SLCO1B1: variants seen among roughly 807,000 people sequenced by gnomAD.
SLCO1B1 encodes OATP-2.
Under a neutral mutation model 70.1 loss-of-function variants are expected in SLCO1B1, and 81 were observed. The observed-to-expected ratio is 1.16, with a 90% confidence interval of 0.97 to 1.39. SLCO1B1 has a LOEUF of 1.39. Ranked by LOEUF, SLCO1B1 falls within the 40% of genes most tolerant of loss-of-function variation. The pLI is 0.00. For synonymous variants in SLCO1B1, 283 were observed against 271.5 expected (o/e 1.04, Z -0.42); for missense variants, 895 against 799.6 (o/e 1.12, Z -1.44).
intron 2 of SLCO1B1, among the ~76,000 whole-genome samples, chr12:21,143,268 G>C (rs1397257480): frequency 6.6e-6 from 1 of 151,878 alleles, no homozygotes; most frequent in Non-Finnish European, 1.5e-5. Flanking sequence ...GGACTTCAAA[G>C]TATTAACAAA....
At chr12:21,218,426 G>C (rs1003215555) in intron 12 of SLCO1B1, among the ~76,000 whole-genome samples, 1 of 151,564 alleles carries the variant, frequency 6.6e-6, no homozygotes, top group Non-Finnish European at 1.5e-5. Context: ...TTGATCATAA[G>C]TTCACTGTCA....
At chr12:21,227,954 C>G (rs1941498099) in intron 14 of SLCO1B1, among the ~76,000 whole-genome samples, 1 of 151,990 alleles carries the variant, frequency 6.6e-6, no homozygotes, top group Non-Finnish European at 1.5e-5. Flanking sequence ...TTTTAATATA[C>G]TGCAAAGACC....
intron 5 of SLCO1B1, 52 bp from the exon 6 acceptor site, chr12:21,178,524 A>G: frequency 7.6e-7 from 1 of 1,316,854 alleles, no homozygotes. Context: ...TAAATTTGTA[A>G]TAGAAATGCT....
intron 2 of SLCO1B1, among the ~76,000 whole-genome samples, chr12:21,166,084 C>T (rs896278899): frequency 2.7e-5 from 4 of 150,078 alleles, no homozygotes; most frequent in South Asian, 2.1e-4. Context: ...ATAACAATTA[C>T]AGTAGTTCTA....
chr12:21,151,937 A>G (rs1940475510), intron 2 of SLCO1B1, among the ~76,000 whole-genome samples: 2 of 151,810 alleles, frequency 1.3e-5, no homozygotes, highest in Non-Finnish European at 2.9e-5. Context: ...GTCTGATACT[A>G]ATTTGGGGAA....
chr12:21,207,604 T>A (rs1045228770), intron 11 of SLCO1B1, among the ~76,000 whole-genome samples: 1 of 151,960 alleles, frequency 6.6e-6, no homozygotes, highest in African/African-American at 2.4e-5. Flanking sequence ...ACCATAGAAG[T>A]ATATAAGTAG....
intron 13 of SLCO1B1, 103 bp from the exon 14 acceptor site, chr12:21,224,619 A>C (rs1208628434): frequency 1.3e-6 from 1 of 777,168 alleles, no homozygotes; most frequent in Non-Finnish European, 2.3e-6. Flanking sequence ...AATCCTCCAA[A>C]TTTTTGAACT....
intron 11 of SLCO1B1, among the ~76,000 whole-genome samples, 184 bp downstream of exon 11, chr12:21,206,217 G>C (rs564962608): frequency 6.6e-6 from 1 of 151,894 alleles, no homozygotes; most frequent in East Asian, 1.9e-4. Flanking sequence ...GTCTGCTTAG[G>C]GCACAATCAG....
chr12:21,170,102 C>A (rs1164444714), intron 2 of SLCO1B1, among the ~76,000 whole-genome samples: 3 of 152,138 alleles, frequency 2.0e-5, no homozygotes, highest in African/African-American at 7.2e-5. Flanking sequence ...TCTGGAACTG[C>A]AGTTTTTGGT....
chr12:21,218,611 G>T (rs756797105), intron 12 of SLCO1B1, among the ~76,000 whole-genome samples: 29 of 101,528 alleles, frequency 2.9e-4, no homozygotes, highest in Non-Finnish European at 5.3e-4. Flanking sequence ...AATATAAAAT[G>T]TTGTCTACTC....
chr12:21,155,410 T>A (rs145812089), intron 2 of SLCO1B1, among the ~76,000 whole-genome samples: 43 of 152,252 alleles, frequency 2.8e-4, no homozygotes, highest in African/African-American at 9.6e-4. Flanking sequence ...TGCTTTTATT[T>A]CATTTTGCTA....
intron 7 of SLCO1B1, among the ~76,000 whole-genome samples, chr12:21,183,218 C>G (rs1345748787): frequency 1.3e-5 from 2 of 149,420 alleles, no homozygotes; most frequent in African/African-American, 5.1e-5. Context: ...ATATTTGAGA[C>G]TGTACCTCAC....
chr12:21,171,439 A>T lies in SLCO1B1; in HGVS notation c.85-1211A>T, dbSNP rs569109818. Among the ~76,000 whole-genome samples the T allele has an allele frequency of 3.3e-5, 5 of 152,288 alleles. No homozygotes were observed. In the South Asian group the frequency reaches 1.0e-3, roughly 32 times the overall value. On this transcript the variant is annotated intron_variant, in intron 2 of 14. Coordinates refer to ENST00000256958, the MANE Select transcript of SLCO1B1 (RefSeq NM_006446.5). ...TATGGTCTCATAGGTTATTGGAAAA[A>T]CTTGATATGACTATAAGTTACATAG...
intron 2 of SLCO1B1, among the ~76,000 whole-genome samples, chr12:21,146,746 A>T (rs1940388244): frequency 6.6e-6 from 1 of 152,030 alleles, no homozygotes; most frequent in Non-Finnish European, 1.5e-5. Context: ...GTATTTTTCC[A>T]GTTATCTTTC....
intron 2 of SLCO1B1, among the ~76,000 whole-genome samples, chr12:21,156,589 A>T (rs4149024): frequency 0.056 from 8,500 of 152,202 alleles, 318 homozygotes; most frequent in East Asian, 0.13. Flanking sequence ...AACAGAAAAA[A>T]TATCAGAAAT....
intron 3 of SLCO1B1, among the ~76,000 whole-genome samples, chr12:21,173,677 T>TA (rs946234034): frequency 6.6e-6 from 1 of 152,060 alleles, no homozygotes; most frequent in Non-Finnish European, 1.5e-5. Flanking sequence ...AAATTATTTT[T>TA]ATGCTATTTT....
At chr12:21,217,005 C>G in intron 11 of SLCO1B1, 114 bp from the exon 12 acceptor site, 1 of 793,752 alleles carries the variant, frequency 1.3e-6, no homozygotes, top group Non-Finnish European at 2.1e-6. Context: ...TCTTCTTAAA[C>G]TGTAAATATA....
At chr12:21,134,398 A>G (rs189098940) in intron 1 of SLCO1B1, among the ~76,000 whole-genome samples, 11 of 152,308 alleles carry the variant, frequency 7.2e-5, no homozygotes, top group African/African-American at 2.6e-4. Flanking sequence ...GAATAGTTTC[A>G]GAAGTATTGG....
chr12:21,156,001 G>A (rs979759985), intron 2 of SLCO1B1, among the ~76,000 whole-genome samples: 2 of 152,066 alleles, frequency 1.3e-5, no homozygotes, highest in African/African-American at 4.8e-5. Flanking sequence ...ATTCCTAGAG[G>A]CTGATCTGAA....
Sources: gnomAD v4.1 joint callset for allele counts (sites outside exome capture counted in the v4.1 genomes callset) on GRCh38, gnomAD v4.1.1 for gene constraint, MANE v1.5 for transcripts, NCBI Gene and HGNC (gene_info 2026-07-23, HGNC 2026-07-21) for gene names.